Variants in PLS3 observed in about 807,000 individuals in gnomAD.
PLS3 encodes the protein plastin-3.
A neutral mutation model predicts 46.5 loss-of-function variants in PLS3; 11 were observed. That is an observed-to-expected ratio of 0.24 (90% CI 0.15 to 0.39). The LOEUF (loss-of-function observed/expected upper bound fraction) is 0.39, where lower values mean the gene tolerates loss of function less well. Among genes scored for constraint, PLS3 ranks in the 10% least tolerant of loss-of-function variants. PLS3 has a pLI of 1.00. For synonymous variants in PLS3, 167 were observed against 162.2 expected, an observed-to-expected ratio of 1.03 and a Z score of -0.22; for missense variants, 308 against 461.8, an observed-to-expected ratio of 0.67 and a Z score of 3.05.
chrX:115,635,997 G>T (rs1040031021), intron 7 of PLS3, among the ~76,000 whole-genome samples: 28 of 109,959 alleles, frequency 2.5e-4, no homozygotes, highest in Non-Finnish European at 4.7e-4. Flanking sequence ...CTCCAGCCTG[G>T]TCAATAGTGC....
intron 1 of PLS3, among the ~76,000 whole-genome samples, chrX:115,582,693 A>G (rs927039032): frequency 3.6e-5 from 4 of 112,327 alleles, no homozygotes; most frequent in Non-Finnish European, 7.5e-5. Context: ...GAAAATAGCA[A>G]CCATTGTTGC....
In PLS3 at chrX:115,622,303, C is replaced by T; in HGVS notation, c.131C>T (p.Ala44Val). 8.5e-7 allele frequency: 1 copy of T among 1,180,790 alleles called. No individual in the cohort carries two copies. The highest frequency in any genetic ancestry group is 1.2e-6 in the Non-Finnish European group (1 of 869,435). ...DYELHELFKE[A>V]NMPLPGYKVR... ...GAACTTCATGAGCTCTTCAAGGAAG[C>T]TAATATGCCATTACCAGGATATAAA... The change falls in exon 3 of 16, where the codon GCT (alanine) becomes GTT (valine). Residue 44 changes from alanine to valine, a missense_variant. Around this residue, in one of 2 missense-constraint regions of PLS3, gnomAD observed 271 missense variants for 435.7 expected, o/e 0.62. Coordinates refer to ENST00000355899, the MANE Select transcript of PLS3 (RefSeq NM_005032.7).
rs1491097857 is a variant in PLS3 at position 115,631,046 on chromosome X, T to TAC, written c.500+1080_500+1081insCA. Among the ~76,000 whole-genome samples the TAC allele has an allele frequency of 2.7e-4, 20 of 73,514 alleles. 1 individual carries two copies. In the South Asian group the frequency reaches 0.01, roughly 38 times the overall value. 63.8% of individuals were successfully genotyped at this position (73,514 alleles called of 115,157 possible). A position where few individuals can be genotyped will look rare whatever the true frequency, so the allele number is the denominator to read the frequency against. ...ATATATGTTATATATAATATAACAT[T>TAC]ATATATATATATATATGTTGTGTGT... On this transcript the variant is annotated intron_variant, in intron 5 of 15. Coordinates refer to ENST00000355899, the MANE Select transcript of PLS3 (RefSeq NM_005032.7).
intron 1 of PLS3, among the ~76,000 whole-genome samples, chrX:115,600,085 A>G (rs1264655312): frequency 6.3e-5 from 7 of 110,990 alleles, no homozygotes; most frequent in Admixed American, 1.9e-4. Context: ...TGCTGTGATC[A>G]CTGGATATTG....
chrX:115,633,174 TG>T (rs1157331576), intron 5 of PLS3, among the ~76,000 whole-genome samples: 3 of 100,786 alleles, frequency 3.0e-5, no homozygotes, highest in Non-Finnish European at 6.4e-5. Flanking sequence ...TTGGTCTTTT[TG>T]GGTTTTTTTT....
rs180888254 is a variant in PLS3, at chrX:115,584,004, A to G, written c.-9+22744A>G. 1.8e-3 allele frequency among the ~76,000 whole-genome samples: 196 copies of G among 111,595 alleles called. 1 individual carries two copies. Among genetic ancestry groups the G allele is most frequent in the Middle Eastern group, 4.6e-3 (1 of 217 alleles). On this transcript the variant is annotated intron_variant, in intron 1 of 15. Coordinates refer to ENST00000355899, the MANE Select transcript of PLS3 (RefSeq NM_005032.7). The stretch of plus-strand genomic sequence containing the variant: ...GTGCAGAATTTAGAAATTCGTTTCA[A>G]TTACCAAATCTGAGCATGGATTTGG...
chrX:115,564,136 G>A (rs1205625607), intron 1 of PLS3, among the ~76,000 whole-genome samples: 2 of 110,771 alleles, frequency 1.8e-5, no homozygotes, highest in Non-Finnish European at 3.8e-5. Flanking sequence ...GAAATTAGGG[G>A]GCTGGGAGTC....
intron 1 of PLS3, among the ~76,000 whole-genome samples, chrX:115,569,598 G>A (rs781867828): frequency 1.4e-4 from 16 of 111,784 alleles, no homozygotes; most frequent in Non-Finnish European, 2.8e-4. Context: ...AGTATATGGC[G>A]ATTGCTTAAA....
Position 115,566,363 on chromosome X carries a change from CTT to C in PLS3, c.-9+5104_-9+5105del, listed in dbSNP as rs2074172108. ...AATAAAAACCTACATGTGATACTTT[CTT>C]CTTCTTCTTTTGTTTTGTTCTGTTT... On this transcript the variant is annotated intron_variant, in intron 1 of 15. Coordinates refer to ENST00000355899, the MANE Select transcript of PLS3 (RefSeq NM_005032.7). Among the ~76,000 whole-genome samples the C allele has an allele frequency of 9.9e-3, 32 of 3,238 alleles. No individual in the cohort carries two copies. The Non-Finnish European group carries it at 0.27, about 27-fold the overall frequency. 2.8% of individuals were successfully genotyped at this position (3,238 alleles called of 115,157 possible).
rs782007253 is a variant in PLS3, at chrX:115,645,076, T to A, written c.1239T>A (p.Asn413Lys). The A allele has an allele frequency of 3.4e-6, 4 of 1,183,677 alleles. No homozygotes were observed. The South Asian group carries it at 7.1e-5, about 21-fold the overall frequency. The change falls in exon 11 of 16, where the codon AAT becomes AAA. Residue 413 changes from asparagine to lysine, a missense_variant. Physicochemically the swap from Asn to Lys is moderately conservative, Grantham distance 94. This residue lies in a region of PLS3 where 271 missense variants were observed against 435.7 expected (regional missense o/e 0.62). Coordinates refer to ENST00000355899, the MANE Select transcript of PLS3 (RefSeq NM_005032.7). ...FRNWMNSLGV[N>K]PHVNHLYADL... ...ACTGGATGAACTCTCTTGGTGTCAA[T>A]CCTCACGTAAACCATCTCTATGCGT...
At chrX:115,580,584 T>C (rs1007793010) in intron 1 of PLS3, among the ~76,000 whole-genome samples, 3 of 112,144 alleles carry the variant, frequency 2.7e-5, no homozygotes, top group Non-Finnish European at 3.8e-5. Context: ...TCTGACTTAA[T>C]GCCAGGTGGA....
intron 1 of PLS3, among the ~76,000 whole-genome samples, chrX:115,586,514 CAA>C (rs781961769): frequency 0.026 from 1,608 of 62,306 alleles, 44 homozygotes; most frequent in African/African-American, 0.082. Context: ...ACTAAAAATA[CAA>C]AAAAAAAAAA....
chrX:115,589,113 G>A (rs1364754929), intron 1 of PLS3, among the ~76,000 whole-genome samples: 4 of 110,358 alleles, frequency 3.6e-5, no homozygotes, highest in African/African-American at 6.6e-5. Flanking sequence ...GACTACAGGC[G>A]ACAGCCACCA....
In PLS3 at chrX:115,649,534, G is replaced by A. The variant is rs931164285; in HGVS notation, c.1866G>A (p.Leu622=). The A allele has an allele frequency of 8.3e-7, 1 of 1,209,241 alleles. No individual in the cohort carries two copies. Among genetic ancestry groups the A allele is most frequent in the Non-Finnish European group, 1.1e-6 (1 of 893,803 alleles). The change falls in exon 16 of 16, where the codon TTG becomes TTA. Residue 622 remains leucine (L), a synonymous_variant. Transcript: ENST00000355899. ...PKMVMTVFAC[L]MGRGMKRV Reference sequence around the variant, plus strand: ...TGGTCATGACTGTGTTTGCATGTTTGATGGGCAGGGGAATGAAGAGAGTGT... The same window carrying A: ...TGGTCATGACTGTGTTTGCATGTTTAATGGGCAGGGGAATGAAGAGAGTGT...
intron 1 of PLS3, among the ~76,000 whole-genome samples, chrX:115,573,670 C>T (rs1412424857): frequency 9.0e-6 from 1 of 111,703 alleles, no homozygotes; most frequent in Non-Finnish European, 1.9e-5. Context: ...TAGCTGACAC[C>T]TTAATTTCCT....
intron 2 of PLS3, 29 bp downstream of exon 2, chrX:115,610,352 G>A (rs782635474): frequency 6.3e-6 from 5 of 796,768 alleles, no homozygotes; most frequent in Non-Finnish European, 9.2e-6. Flanking sequence ...AAAACTATAG[G>A]GAAGCAATAT....
At chrX:115,561,535 G>A (rs967047991) in intron 1 of PLS3, among the ~76,000 whole-genome samples, 44 of 112,238 alleles carry the variant, frequency 3.9e-4, no homozygotes, top group African/African-American at 1.4e-3. Flanking sequence ...GTATTAAGTG[G>A]TGTTTTCTTA....
In PLS3 at chrX:115,592,599, C is replaced by T. The variant is rs111740538; in HGVS notation, c.-8-17644C>T. ...TCTCATAAAAGGCACTCACAACTAA[C>T]CACTTGCTTGATTTAGGAATTCACT... On this transcript the variant is annotated intron_variant, in intron 1 of 15. Coordinates refer to ENST00000355899, the MANE Select transcript of PLS3 (RefSeq NM_005032.7). Among the ~76,000 whole-genome samples the T allele has an allele frequency of 7.1e-3, 793 of 111,768 alleles. 12 individuals carry two copies. The highest frequency in any genetic ancestry group is 0.024 in the African/African-American group (751 of 30,771).
In PLS3 at chrX:115,636,963, T is replaced by C. The variant is rs373249162; in HGVS notation, c.876T>C (p.Phe292=). 2.5e-5 allele frequency: 30 copies of C among 1,207,582 alleles called. 2 individuals are homozygous for C. Among genetic ancestry groups the C allele is most frequent in the African/African-American group, 1.2e-4 (7 of 57,077 alleles). Residue 292 remains phenylalanine (F), a synonymous_variant, in exon 8 of 16, where the codon TTT becomes TTC. Transcript: ENST00000355899. ...CGGGCTGGCAAAAAATTAACAACTTTAGTGCTGACATCAAGGTAACTGTTG... is the reference window on the plus strand; with the variant it reads ...CGGGCTGGCAAAAAATTAACAACTTCAGTGCTGACATCAAGGTAACTGTTG... The part of the protein sequence containing the change: ...ENSGWQKINN[F]SADIKDSKAY...
Sources: allele counts gnomAD v4.1 joint callset (sites outside exome capture counted in the v4.1 genomes callset), GRCh38; gene constraint gnomAD v4.1.1; regional missense constraint gnomAD v4.1.1; transcripts MANE v1.5; gene names NCBI Gene and HGNC (gene_info 2026-07-23, HGNC 2026-07-21).